Variants in MEGF11 observed in about 807,000 individuals in gnomAD.
MEGF11 encodes multiple EGF like domains 11.
In MEGF11, 126 loss-of-function variants were observed where a neutral mutation model predicts 146.6. The observed-to-expected ratio is 0.86, with a 90% confidence interval of 0.74 to 1.00. MEGF11 has a LOEUF of 1.00. Ranked by LOEUF, MEGF11 falls within the 50% of genes least tolerant of loss-of-function variation. The probability of loss-of-function intolerance (pLI) is 0.00; values close to 1 mark genes in which losing one functional copy is unlikely to be tolerated. For missense variants in MEGF11, 1,509 were observed against 1,521.2 expected, an observed-to-expected ratio of 0.99 and a Z score of 0.13; for synonymous variants, 532 against 583.4, an observed-to-expected ratio of 0.91 and a Z score of 1.27.
intron 5 of MEGF11, among the ~76,000 whole-genome samples, chr15:66,070,119 T>A (rs2085304318): frequency 6.6e-6 from 1 of 152,200 alleles, no homozygotes; most frequent in Non-Finnish European, 1.5e-5. Flanking sequence ...AGTCACTCTG[T>A]CTGGGCTCTG....
At position 66,039,137 on chromosome 15, in the gene MEGF11, G is replaced by A. The variant is rs1412859563; in HGVS notation, c.394+55265C>T. On this transcript the variant is annotated intron_variant, in intron 5 of 25. Coordinates refer to ENST00000395614, the MANE Select transcript of MEGF11 (RefSeq NM_001385028.1). ...AGGGTAATGAGGTGACTACCTATGCGATAGAATTTGAGGGATGGCAGCGAT... is the reference window on the plus strand; with the variant it reads ...AGGGTAATGAGGTGACTACCTATGCAATAGAATTTGAGGGATGGCAGCGAT... Among the ~76,000 whole-genome samples, 6 of 152,270 alleles carry A rather than the reference G, an allele frequency of 3.9e-5. No homozygotes were observed. In the South Asian group the frequency reaches 8.3e-4, roughly 21 times the overall value.
intron 5 of MEGF11, among the ~76,000 whole-genome samples, chr15:66,036,669 C>G (rs1014528256): frequency 2.0e-5 from 3 of 152,122 alleles, no homozygotes; most frequent in Non-Finnish European, 4.4e-5. Context: ...AAGGCAAGCC[C>G]TGGAAAGTAG....
chr15:65,946,726 C>T (rs2080208366), intron 10 of MEGF11, among the ~76,000 whole-genome samples: 1 of 152,230 alleles, frequency 6.6e-6, no homozygotes, highest in South Asian at 2.1e-4. Context: ...ACATCACCAT[C>T]TCCCGACACA....
chr15:66,249,352 A>G (rs992714377), intron 1 of MEGF11, among the ~76,000 whole-genome samples: 5 of 152,026 alleles, frequency 3.3e-5, no homozygotes. Context: ...GTTTTTTTGG[A>G]CAATGACCAC....
chr15:66,154,805 G>T (rs1438650915), intron 1 of MEGF11, among the ~76,000 whole-genome samples: 1 of 152,198 alleles, frequency 6.6e-6, no homozygotes, highest in East Asian at 1.9e-4. Context: ...ATGAACCTTG[G>T]TGGGGTCTCA....
intron 4 of MEGF11, among the ~76,000 whole-genome samples, chr15:66,110,408 G>C (rs977235676): frequency 6.6e-6 from 1 of 152,126 alleles, no homozygotes; most frequent in Non-Finnish European, 1.5e-5. Flanking sequence ...CCACGGACTG[G>C]GGACCAGACC....
At position 65,957,687 on chromosome 15, in the gene MEGF11, G is replaced by A. The variant is rs774128348; in HGVS notation, c.1147C>T (p.Pro383Ser). The A allele has an allele frequency of 1.1e-5, 18 of 1,613,748 alleles. No homozygotes were observed. Among genetic ancestry groups the A allele is most frequent in the Non-Finnish European group, 1.5e-5 (18 of 1,179,890 alleles). ...HPVTGACTCQ[P>S]GWSGHHCNES... Reference sequence around the variant, plus strand: ...TTGCAGTGGTGACCAGACCAGCCTGGCTGGCAGGTACAAGCTCCAGTTACT... The same window carrying A: ...TTGCAGTGGTGACCAGACCAGCCTGACTGGCAGGTACAAGCTCCAGTTACT... The change falls in exon 10 of 26, where the codon CCA becomes TCA. Residue 383 changes from proline to serine, a missense_variant. Coordinates refer to ENST00000395614, the MANE Select transcript of MEGF11 (RefSeq NM_001385028.1).
intron 10 of MEGF11, among the ~76,000 whole-genome samples, chr15:65,955,816 T>C (rs1207826005): frequency 6.5e-4 from 1 of 1,544 alleles, no homozygotes; most frequent in African/African-American, 7.2e-4. Context: ...ACACACACAA[T>C]ACTTTAAATA....
At chr15:66,107,197 C>T (rs1230743735) in intron 4 of MEGF11, among the ~76,000 whole-genome samples, 1 of 152,204 alleles carries the variant, frequency 6.6e-6, no homozygotes, top group East Asian at 1.9e-4. Context: ...CCAGTCCCCA[C>T]CCCGCCTACT....
chr15:65,906,174 A>G, intron 23 of MEGF11, 33 bp from the exon 24 acceptor site: 4 of 1,553,532 alleles, frequency 2.6e-6, no homozygotes, highest in Non-Finnish European at 3.5e-6. Context: ...GAAAGAAAAT[A>G]TGGGGGTGAG....
chr15:66,154,101 A>T (rs915810665), intron 1 of MEGF11, among the ~76,000 whole-genome samples: 1 of 152,112 alleles, frequency 6.6e-6, no homozygotes, highest in Non-Finnish European at 1.5e-5. Context: ...AACAAAAAAA[A>T]CCCTTCTCTG....
chr15:66,093,215 A>G (rs1264074975), intron 5 of MEGF11, among the ~76,000 whole-genome samples: 1 of 152,226 alleles, frequency 6.6e-6, no homozygotes, highest in Non-Finnish European at 1.5e-5. Context: ...CCCAGGCTCA[A>G]AACAAAGCCA....
chr15:66,012,578 A>G (rs441949), intron 5 of MEGF11, among the ~76,000 whole-genome samples: 102,097 of 152,208 alleles, frequency 0.67, 35,305 homozygotes, highest in Non-Finnish European at 0.76. Context: ...AATTTACCCA[A>G]CGGCCACGAC....
At chr15:65,935,113 G>A (rs892843852) in intron 10 of MEGF11, among the ~76,000 whole-genome samples, 1 of 151,958 alleles carries the variant, frequency 6.6e-6, no homozygotes, top group Non-Finnish European at 1.5e-5. Context: ...GATGTCAGGA[G>A]ATTGAGACCA....
intron 1 of MEGF11, among the ~76,000 whole-genome samples, chr15:66,192,845 T>G (rs1440945201): frequency 6.6e-6 from 1 of 152,252 alleles, no homozygotes; most frequent in Admixed American, 6.5e-5. Flanking sequence ...CTATATCATT[T>G]TGCCTCCGTC....
intron 5 of MEGF11, among the ~76,000 whole-genome samples, chr15:66,069,829 A>C (rs943279431): frequency 2.6e-5 from 4 of 152,258 alleles, no homozygotes; most frequent in African/African-American, 9.6e-5. Context: ...TCTTTTGAGC[A>C]AGACAGTCCC....
At chr15:66,001,245 A>G (rs529261909) in intron 5 of MEGF11, among the ~76,000 whole-genome samples, 1 of 152,188 alleles carries the variant, frequency 6.6e-6, no homozygotes, top group African/African-American at 2.4e-5. Context: ...GCCCCCACGA[A>G]AGTTTCTCTG....
chr15:66,143,324 C>G (rs1016097453), intron 1 of MEGF11, among the ~76,000 whole-genome samples: 8 of 152,230 alleles, frequency 5.3e-5, no homozygotes, highest in African/African-American at 1.9e-4. Flanking sequence ...TGAGCAGCAC[C>G]TCCGGTGGGG....
intron 10 of MEGF11, among the ~76,000 whole-genome samples, chr15:65,939,237 GC>G (rs2141361628): frequency 6.6e-6 from 1 of 152,298 alleles, no homozygotes; most frequent in East Asian, 1.9e-4. Flanking sequence ...AAGGAAGTTG[GC>G]CTGGCTCAGC....
Sources: allele counts gnomAD v4.1 joint callset (sites outside exome capture counted in the v4.1 genomes callset), GRCh38; gene constraint gnomAD v4.1.1; transcripts MANE v1.5; gene names NCBI Gene and HGNC (gene_info 2026-07-23, HGNC 2026-07-21).